ESR1: variants seen among roughly 807,000 people sequenced by gnomAD.
ESR1 encodes estrogen receptor.
ESR1 carries 12 observed loss-of-function variants against 52.7 expected under a neutral mutation model. The ratio of observed to expected loss-of-function variants is 0.23; its 90% CI spans 0.15 to 0.37. The LOEUF is 0.37. ESR1 is among the 10% of genes least tolerant of loss of function. The pLI, the probability that ESR1 is intolerant of heterozygous loss-of-function variation, is 1.00. For synonymous variants in ESR1, 305 were observed against 316.8 expected (o/e 0.96, Z 0.39); for missense variants, 584 against 779.7 (o/e 0.75, Z 2.99).
At chr6:152,126,586 G>T (rs932513019) in exon 7 of ESR1, 1 of 152,062 alleles carries the variant, frequency 6.6e-6, no homozygotes, top group African/African-American at 2.4e-5. Flanking sequence ...GTTCTGTCCA[G>T]CAAAAAACGT....
At position 151,881,297 on chromosome 6, in the gene ESR1, A is replaced by C. The variant is rs559136456; in HGVS notation, c.760+526A>C. 2.6e-5 allele frequency among the ~76,000 whole-genome samples: 4 copies of C among 152,294 alleles called. No individual in the cohort carries two copies. In the East Asian group the frequency reaches 7.7e-4, roughly 29 times the overall value. ...GTGAACCAGCCACTTTCTTAACCTC[A>C]GTGTCTAGCATGGTGCTGGCATAGT... On this transcript the variant is annotated intron_variant, in intron 3 of 7. Transcript: ENST00000206249.
At chr6:152,088,898 G>A (rs780903776) in intron 6 of ESR1, among the ~76,000 whole-genome samples, 5 of 152,210 alleles carry the variant, frequency 3.3e-5, no homozygotes, top group South Asian at 2.1e-4. Context: ...TTTTGCAAAT[G>A]AGTCTGGCTT....
At chr6:151,776,705 G>T (rs886398185) in intron 2 of ESR1, among the ~76,000 whole-genome samples, 3 of 152,104 alleles carry the variant, frequency 2.0e-5, no homozygotes, top group Non-Finnish European at 4.4e-5. Flanking sequence ...AGGCTTGGTG[G>T]CGGGTGCCTG....
At chr6:152,046,114 T>G (rs2046210386) in intron 5 of ESR1, among the ~76,000 whole-genome samples, 1 of 152,238 alleles carries the variant, frequency 6.6e-6, no homozygotes, top group South Asian at 2.1e-4. Flanking sequence ...AAACAGGACG[T>G]TGATTCTGTT....
intron 1 of ESR1, among the ~76,000 whole-genome samples, chr6:151,835,594 T>C (rs1783196284): frequency 6.6e-6 from 1 of 152,202 alleles, no homozygotes; most frequent in Admixed American, 6.6e-5. Context: ...AGATAAGTCG[T>C]ATAAATTGTC....
intron 5 of ESR1, among the ~76,000 whole-genome samples, chr6:152,018,222 T>C (rs1194127062): frequency 6.6e-6 from 1 of 152,000 alleles, no homozygotes; most frequent in Non-Finnish European, 1.5e-5. Flanking sequence ...ATAAACTCAT[T>C]TTAAATAGAA....
At chr6:151,754,845 A>G (rs1426922548) in intron 2 of ESR1, among the ~76,000 whole-genome samples, 1 of 152,146 alleles carries the variant, frequency 6.6e-6, no homozygotes, top group Non-Finnish European at 1.5e-5. Context: ...TGAACTCTAG[A>G]CGTGTCCATC....
chr6:151,812,034 CA>C (rs1467508233), intron 1 of ESR1, among the ~76,000 whole-genome samples: 1 of 152,072 alleles, frequency 6.6e-6, no homozygotes, highest in Admixed American at 6.6e-5. Context: ...GGAAAATTCT[CA>C]GGTTTGAGAA....
chr6:152,105,742 G>T (rs2051057654), downstream of ESR1, among the ~76,000 whole-genome samples: 2 of 136,600 alleles, frequency 1.5e-5, no homozygotes. Flanking sequence ...ATTATTTTTT[G>T]AATTATTTTC....
In ESR1 at chr6:151,809,812, A is replaced by C. The variant is rs556326633; in HGVS notation, c.452+1448A>C. The stretch of plus-strand genomic sequence containing the variant: ...TTTAAAGGTTGGCATATTTCAAATT[A>C]ATTTTACTTGTTTTAATTTAGGGTT... On this transcript the variant is annotated intron_variant, in intron 1 of 7. Transcript: ENST00000206249. Among the ~76,000 whole-genome samples, 72 of 152,246 alleles carry C rather than the reference A, an allele frequency of 4.7e-4. 1 individual carries two copies. The highest frequency in any genetic ancestry group is 1.0e-3 in the Non-Finnish European group (69 of 68,006).
At chr6:151,728,209 A>G (rs144085052) in intron 2 of ESR1, among the ~76,000 whole-genome samples, 1 of 152,316 alleles carries the variant, frequency 6.6e-6, no homozygotes, top group African/African-American at 2.4e-5. Flanking sequence ...AAGGAGGATG[A>G]TGTTCTATTT....
Position 151,695,726 on chromosome 6 carries a change from T to C in ESR1, c.-202+5062T>C, listed in dbSNP as rs1318189908. Among the ~76,000 whole-genome samples the C allele has an allele frequency of 2.0e-5, 3 of 152,126 alleles. No homozygotes were observed. The East Asian group carries it at 5.8e-4, about 29-fold the overall frequency. Reference sequence around the variant, plus strand: ...ATTTGAGTGTATCTGACAGAAGAAATTTGGCTTTTGTACTCTAATAATTAT... The same window carrying C: ...ATTTGAGTGTATCTGACAGAAGAAACTTGGCTTTTGTACTCTAATAATTAT... On this transcript the variant is annotated intron_variant, in intron 1 of 2. Coordinates refer to the ESR1 transcript ENST00000404742.
chr6:151,806,555 T>C (rs969569484), upstream of ESR1, among the ~76,000 whole-genome samples: 9 of 142,684 alleles, frequency 6.3e-5, no homozygotes, highest in African/African-American at 1.3e-4. Flanking sequence ...TATATATATA[T>C]ATACACATAT....
chr6:151,958,776 T>A (rs1183593390), intron 4 of ESR1, among the ~76,000 whole-genome samples: 1 of 152,222 alleles, frequency 6.6e-6, no homozygotes, highest in African/African-American at 2.4e-5. Context: ...GTACAAGTGG[T>A]GAACAGACAT....
intron 2 of ESR1, among the ~76,000 whole-genome samples, chr6:151,764,390 AAGG>A (rs1470911281): frequency 6.6e-6 from 1 of 152,144 alleles, no homozygotes; most frequent in Non-Finnish European, 1.5e-5. Context: ...ATCCTTGATG[AAGG>A]AGATGTTTTT....
At chr6:151,921,751 T>G (rs920854621) in intron 3 of ESR1, among the ~76,000 whole-genome samples, 1 of 152,356 alleles carries the variant, frequency 6.6e-6, no homozygotes, top group East Asian at 1.9e-4. Flanking sequence ...GAAAAGTGTC[T>G]GTTCATGTCC....
At chr6:151,718,846 C>T (rs1317901344) in intron 2 of ESR1, among the ~76,000 whole-genome samples, 4 of 152,128 alleles carry the variant, frequency 2.6e-5, no homozygotes, top group Admixed American at 2.0e-4. Context: ...GTGGCTCTAC[C>T]TTTTCTCTTT....
intron 5 of ESR1, among the ~76,000 whole-genome samples, chr6:152,016,289 AAACT>A (rs2043166279): frequency 6.6e-6 from 1 of 152,148 alleles, no homozygotes; most frequent in South Asian, 2.1e-4. Flanking sequence ...GCATGAGAAC[AAACT>A]AATACATTAG....
At chr6:151,890,749 CTTATT>C (rs1022386067) in intron 3 of ESR1, among the ~76,000 whole-genome samples, 1 of 152,016 alleles carries the variant, frequency 6.6e-6, no homozygotes, top group Non-Finnish European at 1.5e-5. Context: ...CCTTCTTTGT[CTTATT>C]TTATAGTTTG....
Sources: allele counts gnomAD v4.1 joint callset (sites outside exome capture counted in the v4.1 genomes callset), GRCh38; gene constraint gnomAD v4.1.1; transcripts MANE v1.5; gene names NCBI Gene and HGNC (gene_info 2026-07-23, HGNC 2026-07-21).